SLC35F4: variants seen among roughly 807,000 people sequenced by gnomAD.
SLC35F4 encodes solute carrier family 35 member F4.
A neutral mutation model predicts 44.2 loss-of-function variants in SLC35F4; 24 were observed. The observed-to-expected ratio is 0.54, with a 90% CI of 0.39 to 0.76. The LOEUF (loss-of-function observed/expected upper bound fraction) is 0.76, where lower values mean the gene tolerates loss of function less well. Among genes scored for constraint, SLC35F4 ranks in the 30% least tolerant of loss-of-function variants. The pLI, the probability that SLC35F4 is intolerant of heterozygous loss-of-function variation, is 0.00. For missense variants in SLC35F4, 562 were observed against 586.1 expected (o/e 0.96, Z 0.42); for synonymous variants, 238 against 223.6 (o/e 1.06, Z -0.57).
intron 1 of SLC35F4, among the ~76,000 whole-genome samples, chr14:57,766,955 T>G (rs1482224971): frequency 2.0e-5 from 3 of 151,984 alleles, no homozygotes; most frequent in Non-Finnish European, 2.9e-5. Flanking sequence ...CAAAAAGGAG[T>G]GTATACACTA....
downstream of SLC35F4, among the ~76,000 whole-genome samples, chr14:57,975,488 C>G (rs1397663210): frequency 6.6e-6 from 1 of 152,336 alleles, no homozygotes; most frequent in South Asian, 2.1e-4. Context: ...ATTGTTCTAA[C>G]ACACTGCTGG....
chr14:57,785,178 T>A (rs551736073), intron 1 of SLC35F4, among the ~76,000 whole-genome samples: 4 of 152,116 alleles, frequency 2.6e-5, no homozygotes. Flanking sequence ...AATATTTTGA[T>A]GATTAAAAAT....
chr14:57,949,327 G>T (rs1890093146), intron 1 of SLC35F4, among the ~76,000 whole-genome samples: 1 of 152,010 alleles, frequency 6.6e-6, no homozygotes, highest in Admixed American at 6.6e-5. Flanking sequence ...AGTCTGTTTT[G>T]TCTGACATAA....
At chr14:57,703,412 T>A (rs2075591694) in intron 1 of SLC35F4, among the ~76,000 whole-genome samples, 1 of 152,178 alleles carries the variant, frequency 6.6e-6, no homozygotes, top group Admixed American at 6.5e-5. Context: ...AGTTGGAATG[T>A]GCCATCCTCA....
intron 1 of SLC35F4, among the ~76,000 whole-genome samples, chr14:57,653,252 A>G (rs529963198): frequency 3.5e-4 from 53 of 152,310 alleles, no homozygotes; most frequent in Admixed American, 2.0e-3. Context: ...TGCTTGCAAT[A>G]TCCCACAAGG....
At chr14:57,916,129 C>T (rs879407487) in intron 1 of SLC35F4, among the ~76,000 whole-genome samples, 2 of 152,102 alleles carry the variant, frequency 1.3e-5, no homozygotes, top group Admixed American at 6.6e-5. Flanking sequence ...GGGCAAGGGT[C>T]GTCCCATGGT....
At chr14:57,607,007 AT>A (rs1371896069) in intron 1 of SLC35F4, among the ~76,000 whole-genome samples, 1 of 152,106 alleles carries the variant, frequency 6.6e-6, no homozygotes, top group Admixed American at 6.5e-5. Context: ...GCTTGCCCTC[AT>A]TTTTTTATGG....
intron 1 of SLC35F4, among the ~76,000 whole-genome samples, chr14:57,619,862 C>T (rs1319980122): frequency 2.6e-5 from 4 of 151,882 alleles, no homozygotes; most frequent in African/African-American, 7.3e-5. Context: ...CCTGATGAAG[C>T]TGAAAAACAC....
At chr14:57,624,209 A>T (rs2072349810) in intron 1 of SLC35F4, among the ~76,000 whole-genome samples, 1 of 152,244 alleles carries the variant, frequency 6.6e-6, no homozygotes, top group African/African-American at 2.4e-5. Context: ...GAAGAAGTGG[A>T]TAAATTCCTG....
At chr14:57,878,494 C>A (rs187805719) in intron 1 of SLC35F4, among the ~76,000 whole-genome samples, 1 of 152,286 alleles carries the variant, frequency 6.6e-6, no homozygotes. Context: ...TCCCCTCATT[C>A]TAAATTCCTG....
intron 1 of SLC35F4, among the ~76,000 whole-genome samples, chr14:57,949,748 T>G (rs537361713): frequency 8.5e-5 from 13 of 152,132 alleles, no homozygotes; most frequent in Non-Finnish European, 1.8e-4. Flanking sequence ...AGCATTTGTT[T>G]GTCTGAAAAA....
chr14:57,770,757 C>T (rs917399140), intron 1 of SLC35F4, among the ~76,000 whole-genome samples: 3 of 152,114 alleles, frequency 2.0e-5, no homozygotes, highest in African/African-American at 4.8e-5. Context: ...GAATACAAGT[C>T]TTGGTATTTT....
chr14:57,943,133 T>A (rs1160360872), intron 1 of SLC35F4, among the ~76,000 whole-genome samples: 1 of 152,198 alleles, frequency 6.6e-6, no homozygotes, highest in Non-Finnish European at 1.5e-5. Context: ...GCTGAAGAGA[T>A]CTGGGCCGTA....
chr14:57,669,499 T>C (rs1215283086), intron 1 of SLC35F4, among the ~76,000 whole-genome samples: 3 of 152,100 alleles, frequency 2.0e-5, no homozygotes, highest in East Asian at 1.9e-4. Flanking sequence ...TTTTGAGATA[T>C]GTCCCATCAA....
In SLC35F4 at chr14:57,583,020, T is replaced by G. The variant is rs568828715; in HGVS notation, c.588-1587A>C. 5.3e-5 allele frequency among the ~76,000 whole-genome samples: 8 copies of G among 152,376 alleles called. No individual in the cohort carries two copies. In the East Asian group the frequency reaches 1.3e-3, roughly 26 times the overall value. On this transcript the variant is annotated intron_variant, in intron 3 of 7. Coordinates refer to ENST00000556826, the MANE Select transcript of SLC35F4 (RefSeq NM_001306087.2). The stretch of plus-strand genomic sequence containing the variant: ...TGTGTTGCACACACAGAAACTTGTA[T>G]TGAAATTTGTTTACTTTCATGTAAG...
intron 1 of SLC35F4, among the ~76,000 whole-genome samples, chr14:57,928,445 G>A (rs11158183): frequency 0.022 from 3,324 of 152,228 alleles, 108 homozygotes; most frequent in East Asian, 0.076. Flanking sequence ...GTGGAGAGCC[G>A]GAACTCCCAC....
At chr14:57,901,171 T>C (rs1050124676) in intron 1 of SLC35F4, among the ~76,000 whole-genome samples, 4 of 152,238 alleles carry the variant, frequency 2.6e-5, no homozygotes, top group African/African-American at 7.2e-5. Flanking sequence ...CATTACTGGG[T>C]ATATATCCAA....
chr14:57,567,688 T>C (rs2068275731), intron 6 of SLC35F4, among the ~76,000 whole-genome samples: 1 of 152,180 alleles, frequency 6.6e-6, no homozygotes, highest in South Asian at 2.1e-4. Flanking sequence ...ACTTTGACAC[T>C]CCCCTCAGAC....
At chr14:57,728,583 G>C (rs1185789935) in intron 1 of SLC35F4, among the ~76,000 whole-genome samples, 1 of 151,164 alleles carries the variant, frequency 6.6e-6, no homozygotes, top group Non-Finnish European at 1.5e-5. Flanking sequence ...CAAGTAGCTG[G>C]AATTACAGGG....
Sources: gnomAD v4.1 joint callset for allele counts (sites outside exome capture counted in the v4.1 genomes callset) on GRCh38, gnomAD v4.1.1 for gene constraint, MANE v1.5 for transcripts, NCBI Gene and HGNC (gene_info 2026-07-23, HGNC 2026-07-21) for gene names.